The following DCC variants were observed in gnomAD, a reference collection of about 807,000 sequenced individuals.
DCC encodes netrin receptor DCC.
In DCC, 58 loss-of-function variants were observed where a neutral mutation model predicts 172.5. That is an observed-to-expected ratio of 0.34 (90% CI 0.27 to 0.42). The LOEUF (loss-of-function observed/expected upper bound fraction) is 0.42. DCC is among the 10% of genes least tolerant of loss of function. The probability of loss-of-function intolerance (pLI) is 1.00; values close to 1 mark genes in which losing one functional copy is unlikely to be tolerated. For synonymous variants in DCC, 709 were observed against 644.5 expected, an observed-to-expected ratio of 1.10 and a Z score of -1.52; for missense variants, 1,740 against 1,791.0, an observed-to-expected ratio of 0.97 and a Z score of 0.51.
At chr18:52,416,032 A>C (rs555862763) in intron 1 of DCC, among the ~76,000 whole-genome samples, 1 of 151,422 alleles carries the variant, frequency 6.6e-6, no homozygotes, top group Non-Finnish European at 1.5e-5. Context: ...TTCCCTCTAC[A>C]CACTGCTTTG....
intron 1 of DCC, among the ~76,000 whole-genome samples, chr18:52,579,532 G>A (rs187673179): frequency 9.8e-5 from 15 of 152,302 alleles, no homozygotes; most frequent in Middle Eastern, 3.4e-3. Flanking sequence ...ATAAGTGTGT[G>A]TGTATGTGTG....
intron 1 of DCC, among the ~76,000 whole-genome samples, chr18:52,553,699 A>C (rs577979813): frequency 2.6e-5 from 4 of 152,040 alleles, no homozygotes; most frequent in Non-Finnish European, 5.9e-5. Context: ...TATAGAGCTC[A>C]AAGGGGGTCT....
chr18:53,332,035 A>G (rs2057534446), intron 14 of DCC, among the ~76,000 whole-genome samples: 1 of 152,168 alleles, frequency 6.6e-6, no homozygotes, highest in African/African-American at 2.4e-5. Context: ...TCTTTTCACT[A>G]GGAGTAAGCG....
chr18:52,970,946 A>G (rs138048205), intron 5 of DCC, among the ~76,000 whole-genome samples: 30 of 152,292 alleles, frequency 2.0e-4, no homozygotes, highest in Middle Eastern at 3.4e-3. Flanking sequence ...AATGTTGTGA[A>G]GCTTCAGTTC....
intron 1 of DCC, among the ~76,000 whole-genome samples, chr18:52,624,302 C>A (rs1430811923): frequency 6.6e-6 from 1 of 152,130 alleles, no homozygotes; most frequent in East Asian, 1.9e-4. Context: ...TGCTTTTGCA[C>A]CCACCTTCAA....
rs570064225 is a variant in DCC at position 52,440,262 on chromosome 18, G to GA, written c.91+99391dup. On this transcript the variant is annotated intron_variant, in intron 1 of 28. Transcript: ENST00000442544. ...ATCTGAGTAATCTGCACTCTCACTT[G>GA]AAAAAAATCTCTCCTGAGACAGAAT... Among the ~76,000 whole-genome samples the GA allele has an allele frequency of 1.1e-3, 168 of 152,172 alleles. 1 individual carries two copies. Among genetic ancestry groups the GA allele is most frequent in the Non-Finnish European group, 1.9e-3 (131 of 67,994 alleles).
intron 1 of DCC, among the ~76,000 whole-genome samples, chr18:52,368,053 C>T (rs2038902706): frequency 6.6e-6 from 1 of 152,184 alleles, no homozygotes; most frequent in Non-Finnish European, 1.5e-5. Context: ...CTTTTCCACT[C>T]AGAAAGATCC....
intron 12 of DCC, among the ~76,000 whole-genome samples, chr18:53,260,504 G>T (rs957534772): frequency 6.6e-6 from 1 of 152,120 alleles, no homozygotes; most frequent in Non-Finnish European, 1.5e-5. Flanking sequence ...AGCAGGAGAG[G>T]CTGCAAAATA....
intron 3 of DCC, among the ~76,000 whole-genome samples, chr18:52,906,778 T>C (rs1414081342): frequency 6.6e-6 from 1 of 151,912 alleles, no homozygotes; most frequent in African/African-American, 2.4e-5. Context: ...GATATATATA[T>C]GTATCATATA....
chr18:53,447,617 G>A (rs943318244), intron 22 of DCC, among the ~76,000 whole-genome samples: 1 of 152,148 alleles, frequency 6.6e-6, no homozygotes, highest in African/African-American at 2.4e-5. Context: ...TGTTATGTAT[G>A]ATTCAAGCTA....
At chr18:52,680,191 A>T (rs1316645927) in intron 1 of DCC, among the ~76,000 whole-genome samples, 1 of 152,102 alleles carries the variant, frequency 6.6e-6, no homozygotes. Flanking sequence ...TGTGAGGAAA[A>T]AGCTATAAAC....
At chr18:52,612,483 C>G (rs2034294347) in intron 1 of DCC, among the ~76,000 whole-genome samples, 1 of 151,728 alleles carries the variant, frequency 6.6e-6, no homozygotes, top group East Asian at 1.9e-4. Flanking sequence ...CAAAACTGGC[C>G]ATATCAATCT....
At chr18:53,372,060 C>T (rs569824414) in intron 15 of DCC, among the ~76,000 whole-genome samples, 6 of 152,174 alleles carry the variant, frequency 3.9e-5, no homozygotes, top group African/African-American at 1.4e-4. Flanking sequence ...GTGACAGTTC[C>T]TCAAAGGACT....
chr18:52,342,332 C>T (rs567386551), intron 1 of DCC, among the ~76,000 whole-genome samples: 3 of 152,034 alleles, frequency 2.0e-5, no homozygotes, highest in African/African-American at 7.2e-5. Flanking sequence ...GAGCGCGTAC[C>T]CGCATCCCCG....
chr18:52,909,601 G>T (rs12455748), intron 3 of DCC, among the ~76,000 whole-genome samples: 3 of 151,902 alleles, frequency 2.0e-5, no homozygotes, highest in African/African-American at 7.3e-5. Context: ...TTATATATCA[G>T]GTGTCTTCTA....
At chr18:52,445,906 C>T (rs888772171) in intron 1 of DCC, among the ~76,000 whole-genome samples, 7 of 152,114 alleles carry the variant, frequency 4.6e-5, no homozygotes, top group African/African-American at 1.7e-4. Flanking sequence ...AAACTCCTTA[C>T]CAGTTTTTTG....
intron 2 of DCC, among the ~76,000 whole-genome samples, chr18:52,827,853 C>T (rs558512085): frequency 6.6e-6 from 1 of 152,334 alleles, no homozygotes; most frequent in Admixed American, 6.5e-5. Context: ...GAACACAAGT[C>T]CCAGTGGGGC....
At chr18:53,302,403 T>A (rs947602235) in intron 12 of DCC, among the ~76,000 whole-genome samples, 1 of 152,234 alleles carries the variant, frequency 6.6e-6, no homozygotes, top group African/African-American at 2.4e-5. Context: ...TGACTTCGAA[T>A]ACTGTAGATT....
At chr18:53,423,937 T>A (rs1159520841) in intron 21 of DCC, among the ~76,000 whole-genome samples, 1 of 152,062 alleles carries the variant, frequency 6.6e-6, no homozygotes, top group Admixed American at 6.6e-5. Flanking sequence ...AAAGTGTAGA[T>A]TGGACAGCTC....
Sources: allele counts gnomAD v4.1 joint callset (sites outside exome capture counted in the v4.1 genomes callset), GRCh38; gene constraint gnomAD v4.1.1; transcripts MANE v1.5; gene names NCBI Gene and HGNC (gene_info 2026-07-23, HGNC 2026-07-21).